Variants in SLC26A7 observed in about 807,000 individuals in gnomAD.
SLC26A7 encodes the protein anion exchange transporter.
Under a neutral mutation model 82.5 loss-of-function variants are expected in SLC26A7, and 59 were observed. The ratio of observed to expected loss-of-function variants is 0.72; its 90% confidence interval spans 0.58 to 0.89. The LOEUF is 0.89. Ranked by LOEUF, SLC26A7 falls within the 40% of genes least tolerant of loss-of-function variation. The pLI, the probability that SLC26A7 is intolerant of heterozygous loss-of-function variation, is 0.00. For missense variants in SLC26A7, 820 were observed against 793.0 expected (o/e 1.03, Z -0.41); for synonymous variants, 271 against 274.3 (o/e 0.99, Z 0.12).
chr8:91,374,643 A>G (rs1814458477), intron 15 of SLC26A7, among the ~76,000 whole-genome samples: 1 of 151,928 alleles, frequency 6.6e-6, no homozygotes, highest in African/African-American at 2.4e-5. Flanking sequence ...TTGCTTTATG[A>G]TCAAGCATGT....
At chr8:91,297,051 G>T (rs139806592) in intron 4 of SLC26A7, among the ~76,000 whole-genome samples, 1 of 152,066 alleles carries the variant, frequency 6.6e-6, no homozygotes, top group Non-Finnish European at 1.5e-5. Flanking sequence ...AAAAATCTTT[G>T]TATTAACATT....
chr8:91,357,208 G>A (rs554235514), intron 11 of SLC26A7: 2 of 152,200 alleles, frequency 1.3e-5, no homozygotes, highest in Non-Finnish European at 1.5e-5. Context: ...CCAGATTATT[G>A]CATAGAATTT....
intron 8 of SLC26A7, among the ~76,000 whole-genome samples, chr8:91,341,346 C>T (rs1376155573): frequency 1.3e-5 from 2 of 152,040 alleles, no homozygotes; most frequent in African/African-American, 4.8e-5. Context: ...CATAGTATTC[C>T]ATGGTGTATA....
intron 16 of SLC26A7, among the ~76,000 whole-genome samples, chr8:91,392,261 C>T (rs1039900493): frequency 2.6e-5 from 4 of 152,072 alleles, no homozygotes; most frequent in Non-Finnish European, 4.4e-5. Flanking sequence ...ACAGTAACAG[C>T]GTGATCTATG....
chr8:91,298,207 G>T (rs1168979565), intron 4 of SLC26A7, among the ~76,000 whole-genome samples: 1 of 151,750 alleles, frequency 6.6e-6, no homozygotes, highest in Non-Finnish European at 1.5e-5. Flanking sequence ...TTCTCTTCTT[G>T]TAACTGATAA....
chr8:91,288,578 C>T (rs1216538526), intron 2 of SLC26A7, among the ~76,000 whole-genome samples: 1 of 150,004 alleles, frequency 6.7e-6, no homozygotes, highest in Non-Finnish European at 1.5e-5. Context: ...AGCCAAGGTC[C>T]CATTAGTTGG....
chr8:91,367,273 G>A (rs955640071), intron 14 of SLC26A7, among the ~76,000 whole-genome samples: 8 of 152,278 alleles, frequency 5.3e-5, no homozygotes, highest in South Asian at 4.1e-4. Context: ...CTTCCAAAGT[G>A]CTGGGATTAC....
intron 9 of SLC26A7, among the ~76,000 whole-genome samples, chr8:91,343,744 T>G (rs921873462): frequency 6.6e-6 from 1 of 152,194 alleles, no homozygotes; most frequent in Non-Finnish European, 1.5e-5. Flanking sequence ...TAGTGGTGCC[T>G]CTCTCTTTCT....
upstream of SLC26A7, among the ~76,000 whole-genome samples, chr8:91,247,676 G>A (rs1810564437): frequency 6.6e-6 from 1 of 151,956 alleles, no homozygotes; most frequent in South Asian, 2.1e-4. Context: ...AACAATTGCT[G>A]GTGCTATATG....
intron 11 of SLC26A7, among the ~76,000 whole-genome samples, chr8:91,354,891 G>T (rs1013154270): frequency 4.6e-5 from 7 of 151,686 alleles, no homozygotes; most frequent in Admixed American, 3.9e-4. Context: ...GCATTTAGTG[G>T]TTACCTTTAA....
intron 1 of SLC26A7, among the ~76,000 whole-genome samples, chr8:91,218,360 T>TA (rs59679363): frequency 0.76 from 115,823 of 151,976 alleles, 45,370 homozygotes; most frequent in African/African-American, 0.93. Flanking sequence ...GTACAAATTA[T>TA]TTTGAAGTAC....
At chr8:91,292,732 G>T (rs917842608) in intron 3 of SLC26A7, among the ~76,000 whole-genome samples, 9 of 149,470 alleles carry the variant, frequency 6.0e-5, no homozygotes, top group South Asian at 4.2e-4. Flanking sequence ...TTTAAAATAG[G>T]TTTTTTTTTT....
rs112595566 is a variant in SLC26A7, at chr8:91,215,347, A to G, written c.-149-3543A>G. On this transcript the variant is annotated intron_variant, in intron 1 of 5. Transcript: ENST00000522862. ...TCTTATCCAAACTTTTTACTGTGCC[A>G]TATAAATATATATTGCAATAATTTT... 4.2e-3 allele frequency among the ~76,000 whole-genome samples: 636 copies of G among 152,290 alleles called. 2 individuals are homozygous for G. The highest frequency in any genetic ancestry group is 0.014 in the African/African-American group (599 of 41,566).
intron 6 of SLC26A7, among the ~76,000 whole-genome samples, chr8:91,337,780 C>T (rs1309381881): frequency 5.3e-5 from 8 of 152,136 alleles, no homozygotes; most frequent in East Asian, 1.9e-4. Context: ...TGCTGTCTTA[C>T]GAAGCATCCC....
At chr8:91,344,075 T>C in intron 9 of SLC26A7, 4 of 985,392 alleles carry the variant, frequency 4.1e-6, no homozygotes, top group Non-Finnish European at 4.8e-6. Flanking sequence ...CTATTGATGA[T>C]GATGGTGGTA....
At chr8:91,218,872 T>C in intron 1 of SLC26A7, 1 of 1,475,846 alleles carries the variant, frequency 6.8e-7, no homozygotes, top group South Asian at 1.2e-5. Flanking sequence ...AATTTTATTT[T>C]TAATCTTTAC....
At chr8:91,298,535 C>T (rs747453189) in intron 4 of SLC26A7, among the ~76,000 whole-genome samples, 1 of 152,068 alleles carries the variant, frequency 6.6e-6, no homozygotes, top group Non-Finnish European at 1.5e-5. Flanking sequence ...GATCTTCAAG[C>T]ATGTTAAAGT....
intron 2 of SLC26A7, among the ~76,000 whole-genome samples, chr8:91,256,913 A>G (rs1810819600): frequency 6.6e-6 from 1 of 152,088 alleles, no homozygotes; most frequent in Non-Finnish European, 1.5e-5. Flanking sequence ...ATTAAAACCT[A>G]AAACTGCCCT....
At chr8:91,366,925 G>T (rs1173063889) in intron 14 of SLC26A7, among the ~76,000 whole-genome samples, 1 of 151,898 alleles carries the variant, frequency 6.6e-6, no homozygotes, top group African/African-American at 2.4e-5. Flanking sequence ...ATATTTAATG[G>T]ACATGTGTTG....
Sources: gnomAD v4.1 joint callset for allele counts (sites outside exome capture counted in the v4.1 genomes callset) on GRCh38, gnomAD v4.1.1 for gene constraint, MANE v1.5 for transcripts, NCBI Gene and HGNC (gene_info 2026-07-23, HGNC 2026-07-21) for gene names.